Variants in CENPF observed in about 807,000 individuals in gnomAD.
CENPF encodes the protein centromere protein F.
A neutral mutation model predicts 307.3 loss-of-function variants in CENPF; 214 were observed. The ratio of observed to expected loss-of-function variants is 0.70; its 90% confidence interval spans 0.62 to 0.78. The LOEUF is 0.78. Ranked by LOEUF, CENPF falls within the 30% of genes least tolerant of loss-of-function variation. The pLI is 0.00. For missense variants in CENPF, 3,401 were observed against 3,483.9 expected (o/e 0.98, Z 0.60); for synonymous variants, 1,259 against 1,270.6 (o/e 0.99, Z 0.19).
At chr1:214,617,608 C>G (rs753604100) in intron 3 of CENPF, among the ~76,000 whole-genome samples, 12 of 152,064 alleles carry the variant, frequency 7.9e-5, no homozygotes, top group Non-Finnish European at 1.6e-4. Context: ...TTTCCCATTT[C>G]TTGTAACTAT....
intron 1 of CENPF, among the ~76,000 whole-genome samples, chr1:214,607,926 G>A (rs1241668329): frequency 2.6e-5 from 4 of 152,152 alleles, no homozygotes; most frequent in African/African-American, 2.4e-5. Flanking sequence ...CAGCAGCCTC[G>A]CCTCACTTGG....
chr1:214,663,489 G>A, intron 19 of CENPF, 102 bp from the exon 20 acceptor site: 1 of 1,140,224 alleles, frequency 8.8e-7, no homozygotes, highest in Non-Finnish European at 1.3e-6. Flanking sequence ...AACTCCTAGA[G>A]AAGAAGAACT....
intron 6 of CENPF, 111 bp downstream of exon 6, chr1:214,621,057 G>A (rs578082958): frequency 1.9e-5 from 18 of 936,430 alleles, no homozygotes; most frequent in South Asian, 1.2e-4. Context: ...TAGGCACATC[G>A]GTGTTCAACA....
At chr1:214,652,202 A>ATTTTTTTTTTTTTTT (rs1324355280) in intron 15 of CENPF, among the ~76,000 whole-genome samples, 1 of 145,612 alleles carries the variant, frequency 6.9e-6, no homozygotes, top group Non-Finnish European at 1.5e-5. Flanking sequence ...CGCCCGGCTA[A>ATTTTTTTTTTTTTTT]TTTTTTGTAT....
At chr1:214,649,980 C>T (rs1434668818) in intron 14 of CENPF, among the ~76,000 whole-genome samples, 1 of 152,126 alleles carries the variant, frequency 6.6e-6, no homozygotes, top group East Asian at 1.9e-4. Flanking sequence ...AGCTTACAGT[C>T]TAGACACATA....
chr1:214,663,099 C>G (rs906996608), intron 19 of CENPF, among the ~76,000 whole-genome samples: 6 of 152,208 alleles, frequency 3.9e-5, no homozygotes, highest in Non-Finnish European at 7.3e-5. Flanking sequence ...CCCTTCTGCT[C>G]TAGTCCAAAT....
At chr1:214,616,175 T>C (rs1427208750) in intron 3 of CENPF, among the ~76,000 whole-genome samples, 1 of 152,016 alleles carries the variant, frequency 6.6e-6, no homozygotes, top group Non-Finnish European at 1.5e-5. Context: ...TTGATGATGG[T>C]GTTTGTGTTT....
intron 3 of CENPF, among the ~76,000 whole-genome samples, chr1:214,616,114 T>G (rs1657330073): frequency 6.6e-6 from 1 of 152,152 alleles, no homozygotes; most frequent in African/African-American, 2.4e-5. Context: ...AGATTGGCAA[T>G]CTCATATAGT....
At chr1:214,607,405 G>A (rs1470567082) in intron 1 of CENPF, among the ~76,000 whole-genome samples, 1 of 152,216 alleles carries the variant, frequency 6.6e-6, no homozygotes, top group East Asian at 1.9e-4. Context: ...GAGACAGGAG[G>A]GGCCGAGGAA....
intron 3 of CENPF, among the ~76,000 whole-genome samples, chr1:214,616,831 CTTCCTCTTTCT>C (rs1657351694): frequency 5.5e-5 from 8 of 145,414 alleles, no homozygotes; most frequent in African/African-American, 1.8e-4. Context: ...TCTTTCCTTC[CTTCCTCTTTCT>C]TTCTTTCTTT....
intron 1 of CENPF, among the ~76,000 whole-genome samples, chr1:214,606,757 C>T (rs1280640288): frequency 6.6e-6 from 1 of 152,136 alleles, no homozygotes; most frequent in African/African-American, 2.4e-5. Flanking sequence ...CAGGGCCACC[C>T]CCACCCCCAG....
chr1:214,652,692 C>A (rs1402546870), intron 15 of CENPF, 136 bp from the exon 16 acceptor site: 1 of 634,550 alleles, frequency 1.6e-6, no homozygotes, highest in African/African-American at 1.9e-5. Flanking sequence ...ATCTGCCCAC[C>A]TTGGCCTCCC....
chr1:214,657,749 CT>C (rs1398521257), intron 18 of CENPF, among the ~76,000 whole-genome samples: 5 of 152,322 alleles, frequency 3.3e-5, no homozygotes, highest in African/African-American at 1.2e-4. Flanking sequence ...AGCAGGTGAG[CT>C]GGAGGGTGCA....
At chr1:214,652,111 C>T (rs1571724884) in intron 15 of CENPF, among the ~76,000 whole-genome samples, 1 of 140,778 alleles carries the variant, frequency 7.1e-6, no homozygotes, top group South Asian at 2.2e-4. Context: ...CTCTGTCGCA[C>T]TGCAAGCTCC....
intron 11 of CENPF, among the ~76,000 whole-genome samples, chr1:214,639,510 G>A (rs2102556929): frequency 6.6e-6 from 1 of 152,296 alleles, no homozygotes. Context: ...CTACAATAAA[G>A]TGGGATGTTC....
chr1:214,646,196 G>A lies in CENPF; in HGVS notation c.6626G>A (p.Arg2209Lys). The A allele has an allele frequency of 6.2e-7, 1 of 1,613,244 alleles. No homozygotes were observed. Among genetic ancestry groups the A allele is most frequent in the Non-Finnish European group, 8.5e-7 (1 of 1,179,872 alleles). ...TTTGAATTAGACCTTGTCACGTTAA[G>A]GTCTGAAAAAGAAAATCTGACAAAA... ...KVFELDLVTL[R>K]SEKENLTKQI... The change falls in exon 13 of 20, where the codon AGG becomes AAG. Residue 2209 changes from arginine to lysine, a missense_variant. Physicochemically the swap from Arg to Lys is conservative, Grantham distance 26 (BLOSUM62 2). Coordinates refer to ENST00000366955, the MANE Select transcript of CENPF (RefSeq NM_016343.4).
Position 214,642,591 on chromosome 1 carries a change from A to G in CENPF, c.4253A>G (p.His1418Arg). ...AAATTCTTATCTTTACAAAGTGAAC[A>G]CAAAATTTTACATGATCAGCACTGT... is the stretch of plus-strand genomic sequence containing the variant. ...QEKFLSLQSE[H>R]KILHDQHCQM... The change falls in exon 12 of 20, where the codon CAC becomes CGC. Residue 1418 changes from histidine (H) to arginine (R), a missense_variant. Transcript: ENST00000366955. The G allele has an allele frequency of 6.2e-7, 1 of 1,608,814 alleles. No homozygotes were observed. The highest frequency in any genetic ancestry group is 8.5e-7 in the Non-Finnish European group (1 of 1,177,484).
At position 214,640,588 on chromosome 1, in the gene CENPF, C is replaced by T. The variant is rs1292840923; in HGVS notation, c.2250C>T (p.Asp750=). 6.2e-7 allele frequency: 1 copy of T among 1,614,022 alleles called. No homozygotes were observed. Among genetic ancestry groups the T allele is most frequent in the South Asian group, 1.1e-5 (1 of 91,066 alleles). ...QLLSNEIMDK[D]RCYQDLHAEY... ...TGTCAAATGAAATAATGGACAAAGA[C>T]CGGTGTTACCAAGACTTGCATGCCG... The change falls in exon 12 of 20, where the codon GAC becomes GAT. Residue 750 remains aspartate (D), a synonymous_variant. Coordinates refer to ENST00000366955, the MANE Select transcript of CENPF (RefSeq NM_016343.4).
chr1:214,630,513 C>G (rs770365531), intron 8 of CENPF, 21 bp from the exon 9 acceptor site: 9 of 1,613,592 alleles, frequency 5.6e-6, no homozygotes, highest in Non-Finnish European at 7.6e-6. Context: ...CAGGCTGATG[C>G]ACCTGCCCTT....
Sources: gnomAD v4.1 joint callset for allele counts (sites outside exome capture counted in the v4.1 genomes callset) on GRCh38, gnomAD v4.1.1 for gene constraint, MANE v1.5 for transcripts, NCBI Gene and HGNC (gene_info 2026-07-23, HGNC 2026-07-21) for gene names.